Variants in PALM2AKAP2 observed in about 807,000 individuals in gnomAD.
PALM2AKAP2 encodes the protein PALM2-AKAP2 fusion protein.
A neutral mutation model predicts 71.5 loss-of-function variants in PALM2AKAP2; 37 were observed. The observed-to-expected ratio is 0.52, with a 90% CI of 0.40 to 0.68. The LOEUF (loss-of-function observed/expected upper bound fraction) is 0.68. Ranked by LOEUF, PALM2AKAP2 falls within the 30% of genes least tolerant of loss-of-function variation. PALM2AKAP2 has a pLI of 0.00. For missense variants in PALM2AKAP2, 1,224 were observed against 1,191.8 expected, an observed-to-expected ratio of 1.03 and a Z score of -0.40; for synonymous variants, 468 against 478.8, an observed-to-expected ratio of 0.98 and a Z score of 0.29.
chr9:109,680,322 C>T (rs543227798), intron 1 of PALM2AKAP2, among the ~76,000 whole-genome samples: 4 of 152,332 alleles, frequency 2.6e-5, no homozygotes, highest in Admixed American at 2.6e-4. Flanking sequence ...GTGGTCAGAG[C>T]AGAACAGTCA....
intron 1 of PALM2AKAP2, among the ~76,000 whole-genome samples, chr9:109,694,933 C>G (rs534315843): frequency 6.6e-6 from 1 of 152,128 alleles, no homozygotes; most frequent in African/African-American, 2.4e-5. Flanking sequence ...GAAATGATGA[C>G]TTAATTAATG....
At chr9:110,102,851 C>G (rs1564306448) in intron 1 of PALM2AKAP2, among the ~76,000 whole-genome samples, 1 of 152,190 alleles carries the variant, frequency 6.6e-6, no homozygotes, top group Non-Finnish European at 1.5e-5. Flanking sequence ...GAGCCCCTTA[C>G]CCCATCCTAG....
intron 1 of PALM2AKAP2, among the ~76,000 whole-genome samples, chr9:109,744,745 A>G (rs1025720454): frequency 6.6e-6 from 1 of 152,208 alleles, no homozygotes; most frequent in Non-Finnish European, 1.5e-5. Context: ...TCATAGTAAC[A>G]TCAGGACCTC....
chr9:109,922,247 T>A (rs574523249), intron 3 of PALM2AKAP2, among the ~76,000 whole-genome samples: 4 of 150,994 alleles, frequency 2.6e-5, no homozygotes, highest in Non-Finnish European at 5.9e-5. Context: ...TAGTAAGACC[T>A]CACCTCTACA....
intron 1 of PALM2AKAP2, among the ~76,000 whole-genome samples, chr9:109,689,570 G>C (rs1046014632): frequency 1.8e-4 from 28 of 152,298 alleles, no homozygotes; most frequent in African/African-American, 6.5e-4. Context: ...ATTTTTAGGA[G>C]AACACAATAA....
At chr9:109,855,601 T>C (rs1350325884) in intron 1 of PALM2AKAP2, among the ~76,000 whole-genome samples, 5 of 152,208 alleles carry the variant, frequency 3.3e-5, no homozygotes, top group African/African-American at 1.2e-4. Flanking sequence ...TCCTCTTCCA[T>C]CCTAAAGTCA....
chr9:110,162,253 T>A, intron 3 of PALM2AKAP2, 121 bp downstream of exon 10: 1 of 1,437,064 alleles, frequency 7.0e-7, no homozygotes, highest in Non-Finnish European at 9.8e-7. Context: ...TGTCTCCATA[T>A]GTATTTTTTT....
chr9:109,727,672 G>A (rs1828495719), intron 1 of PALM2AKAP2, among the ~76,000 whole-genome samples: 2 of 152,196 alleles, frequency 1.3e-5, no homozygotes, highest in Admixed American at 6.5e-5. Context: ...ACAGCAAAGT[G>A]AAAGCTTATA....
rs373770122 is a variant in PALM2AKAP2, at chr9:109,930,307, C to T, written c.395-1620C>T. On this transcript the variant is annotated intron_variant, in intron 5 of 9. Coordinates refer to the PALM2AKAP2 transcript ENST00000302798. ...GTGGCACAATCTTGGCTCACTGCAA[C>T]CTCCGCCTCCTGGGTTCAAGCGATC... 8.4e-4 allele frequency among the ~76,000 whole-genome samples: 127 copies of T among 152,074 alleles called. 1 individual carries two copies. Among genetic ancestry groups the T allele is most frequent in the African/African-American group, 2.8e-3 (115 of 41,498 alleles).
intron 1 of PALM2AKAP2, among the ~76,000 whole-genome samples, chr9:109,826,024 C>A (rs1828139891): frequency 1.3e-5 from 2 of 152,160 alleles, no homozygotes; most frequent in Admixed American, 6.5e-5. Context: ...CAATGGAATA[C>A]TATGCAGCCA....
At chr9:110,038,424 A>G (rs1317394012) in intron 7 of PALM2AKAP2, among the ~76,000 whole-genome samples, 1 of 152,198 alleles carries the variant, frequency 6.6e-6, no homozygotes, top group Non-Finnish European at 1.5e-5. Flanking sequence ...AAATGAAGAA[A>G]GCAGTTTAAA....
At chr9:109,793,334 C>T (rs751545392) in intron 1 of PALM2AKAP2, among the ~76,000 whole-genome samples, 24 of 152,168 alleles carry the variant, frequency 1.6e-4, no homozygotes, top group Non-Finnish European at 2.9e-4. Context: ...TCTGAAAAGA[C>T]TAAACAAAGA....
intron 1 of PALM2AKAP2, among the ~76,000 whole-genome samples, chr9:109,844,884 G>A (rs541777606): frequency 3.3e-5 from 5 of 151,646 alleles, no homozygotes; most frequent in Admixed American, 3.3e-4. Context: ...AGAACCCCTG[G>A]GTCACAGGTG....
intron 1 of PALM2AKAP2, among the ~76,000 whole-genome samples, chr9:109,644,090 C>T (rs887841825): frequency 3.3e-5 from 5 of 152,124 alleles, no homozygotes; most frequent in African/African-American, 9.7e-5. Context: ...CAGGATTCAC[C>T]CCCAGGACCA....
intron 1 of PALM2AKAP2, among the ~76,000 whole-genome samples, chr9:109,670,239 A>G (rs111943334): frequency 1.3e-5 from 2 of 152,074 alleles, no homozygotes; most frequent in Non-Finnish European, 2.9e-5. Flanking sequence ...AGTACCCATT[A>G]GTTGTTTTTC....
At chr9:109,990,067 C>CTTTTTTTTTTTTTTTTTTTTTTT (rs35739397) in intron 6 of PALM2AKAP2, among the ~76,000 whole-genome samples, 2 of 134,110 alleles carry the variant, frequency 1.5e-5, no homozygotes, top group Non-Finnish European at 3.2e-5. Context: ...TTCTTTCTTT[C>CTTTTTTTTTTTTTTTTTTTTTTT]TTTTTTTTTT....
At chr9:109,843,524 T>C (rs773695440) in intron 1 of PALM2AKAP2, among the ~76,000 whole-genome samples, 56 of 152,138 alleles carry the variant, frequency 3.7e-4, no homozygotes, top group Non-Finnish European at 7.1e-4. Flanking sequence ...TGTGAATATA[T>C]ATATATACAC....
intron 1 of PALM2AKAP2, among the ~76,000 whole-genome samples, chr9:109,717,491 A>G (rs1379635429): frequency 6.6e-6 from 1 of 152,216 alleles, no homozygotes; most frequent in East Asian, 1.9e-4. Flanking sequence ...CAGACACCAC[A>G]TGAAGGAGTA....
chr9:110,110,010 A>G (rs1835209691), intron 1 of PALM2AKAP2, among the ~76,000 whole-genome samples: 1 of 152,182 alleles, frequency 6.6e-6, no homozygotes, highest in South Asian at 2.1e-4. Context: ...ACTAAATTCA[A>G]GAGCTCTATT....
Sources: allele counts gnomAD v4.1 joint callset (sites outside exome capture counted in the v4.1 genomes callset), GRCh38; gene constraint gnomAD v4.1.1; transcripts MANE v1.5; gene names NCBI Gene and HGNC (gene_info 2026-07-23, HGNC 2026-07-21).